The following ALK variants were observed in gnomAD, a reference collection of about 807,000 sequenced individuals.
ALK encodes ALK receptor tyrosine kinase, also known as ALK tyrosine kinase receptor.
A neutral mutation model predicts 163.1 loss-of-function variants in ALK; 74 were observed. The ratio of observed to expected loss-of-function variants is 0.45; its 90% CI spans 0.38 to 0.55. The LOEUF is 0.55. ALK is among the 20% of genes least tolerant of loss of function. The probability of loss-of-function intolerance (pLI) is 0.00; values close to 1 mark genes in which losing one functional copy is unlikely to be tolerated. For missense variants in ALK, 2,063 were observed against 2,105.3 expected (o/e 0.98, Z 0.39); for synonymous variants, 960 against 843.2 (o/e 1.14, Z -2.40).
chr2:29,200,144 C>G (rs2148145644), intron 26 of ALK, among the ~76,000 whole-genome samples: 1 of 152,260 alleles, frequency 6.6e-6, no homozygotes, highest in South Asian at 2.1e-4. Context: ...CTTGATTTTG[C>G]TACTTACAAA....
chr2:29,913,829 T>C (rs1262521736), intron 1 of ALK, among the ~76,000 whole-genome samples: 1 of 152,184 alleles, frequency 6.6e-6, no homozygotes, highest in East Asian at 1.9e-4. Flanking sequence ...GTTGGTAATT[T>C]ACATTTCTCT....
chr2:29,589,149 T>A (rs1477297704), intron 3 of ALK, among the ~76,000 whole-genome samples: 1 of 152,226 alleles, frequency 6.6e-6, no homozygotes, highest in Non-Finnish European at 1.5e-5. Flanking sequence ...AGTAATTTGC[T>A]ACTGATAATA....
At chr2:29,385,871 T>C (rs1211195419) in intron 4 of ALK, among the ~76,000 whole-genome samples, 1 of 152,254 alleles carries the variant, frequency 6.6e-6, no homozygotes, top group African/African-American at 2.4e-5. Context: ...ATCATGATTA[T>C]GCCAAAGCTA....
intron 3 of ALK, among the ~76,000 whole-genome samples, chr2:29,537,094 C>G (rs551133398): frequency 2.0e-4 from 30 of 152,270 alleles, no homozygotes; most frequent in African/African-American, 7.2e-4. Flanking sequence ...GCAGACTACT[C>G]AGGTAGTAGA....
chr2:29,259,192 C>T (rs531938593), intron 11 of ALK, among the ~76,000 whole-genome samples: 2 of 152,264 alleles, frequency 1.3e-5, no homozygotes, highest in Non-Finnish European at 2.9e-5. Context: ...TTTACCTCTC[C>T]TTACACACAG....
At chr2:29,562,602 A>G (rs1287274347) in intron 3 of ALK, among the ~76,000 whole-genome samples, 2 of 152,212 alleles carry the variant, frequency 1.3e-5, no homozygotes, top group Admixed American at 1.3e-4. Context: ...GCTCAATAGC[A>G]GAACAATTGG....
intron 4 of ALK, among the ~76,000 whole-genome samples, chr2:29,437,720 A>G (rs1032039588): frequency 1.3e-5 from 2 of 152,122 alleles, no homozygotes; most frequent in Non-Finnish European, 2.9e-5. Flanking sequence ...TTACCCAACA[A>G]AGCCCAAATT....
At chr2:29,888,421 G>A (rs1317490451) in intron 1 of ALK, among the ~76,000 whole-genome samples, 1 of 152,120 alleles carries the variant, frequency 6.6e-6, no homozygotes, top group African/African-American at 2.4e-5. Context: ...ATTATCAGCT[G>A]TTATAAATTA....
intron 1 of ALK, among the ~76,000 whole-genome samples, chr2:29,773,351 T>A (rs996166062): frequency 1.7e-4 from 26 of 152,158 alleles, no homozygotes; most frequent in African/African-American, 6.3e-4. Context: ...AAATCCTATG[T>A]AGAAACAGAG....
intron 6 of ALK, among the ~76,000 whole-genome samples, chr2:29,322,860 CAA>C (rs1235634957): frequency 6.6e-6 from 1 of 152,154 alleles, no homozygotes; most frequent in African/African-American, 2.4e-5. Context: ...AACAAACAAA[CAA>C]AACACCCCAG....
At chr2:29,629,862 G>A (rs954733467) in intron 3 of ALK, among the ~76,000 whole-genome samples, 1 of 152,070 alleles carries the variant, frequency 6.6e-6, no homozygotes, top group African/African-American at 2.4e-5. Context: ...AGGTTGGCCT[G>A]ACTTCACATT....
At chr2:29,557,684 A>C (rs562771600) in intron 3 of ALK, among the ~76,000 whole-genome samples, 1 of 152,332 alleles carries the variant, frequency 6.6e-6, no homozygotes, top group South Asian at 2.1e-4. Flanking sequence ...TGGGGGATGT[A>C]TAAAGTGGTA....
chr2:29,223,492 T>G lies in ALK; in HGVS notation c.3209A>C (p.Gln1070Pro). Residue 1070 changes from glutamine to proline, a missense_variant, in exon 20 of 29, where the codon CAG (glutamine) becomes CCG (proline). Physicochemically the swap from Gln to Pro is moderately conservative, Grantham distance 76. This residue lies in a region of ALK where 575 missense variants were observed against 626.6 expected (regional missense o/e 0.92). Coordinates refer to ENST00000389048, the MANE Select transcript of ALK (RefSeq NM_004304.5). ...RRKHQELQAM[Q>P]MELQSPEYKL... is the part of the protein sequence containing the mutation. Reference sequence around the variant, plus strand: ...GTACTCAGGGCTCTGCAGCTCCATCTGCATGGCTTGCAGCTCCTGGTGCTT... The same window carrying G: ...GTACTCAGGGCTCTGCAGCTCCATCGGCATGGCTTGCAGCTCCTGGTGCTT... The G allele has an allele frequency of 6.2e-7, 1 of 1,614,138 alleles. No homozygotes were observed. Among genetic ancestry groups the G allele is most frequent in the Non-Finnish European group, 8.5e-7 (1 of 1,180,034 alleles).
intron 4 of ALK, among the ~76,000 whole-genome samples, chr2:29,491,326 A>ACTCT (rs767222189): frequency 7.4e-4 from 113 of 152,318 alleles, no homozygotes; most frequent in Non-Finnish European, 1.3e-3. Context: ...AACAGGGCCG[A>ACTCT]GTTCATAATA....
intron 4 of ALK, among the ~76,000 whole-genome samples, chr2:29,426,132 A>G (rs565930213): frequency 6.6e-6 from 1 of 152,346 alleles, no homozygotes; most frequent in Admixed American, 6.5e-5. Flanking sequence ...CAGTTGGTTT[A>G]ACAGAGATCA....
intron 1 of ALK, among the ~76,000 whole-genome samples, chr2:29,757,521 C>A (rs902155960): frequency 6.6e-6 from 1 of 151,988 alleles, no homozygotes; most frequent in South Asian, 2.1e-4. Context: ...ATTTGAATTT[C>A]AGATAAAAAG....
intron 4 of ALK, among the ~76,000 whole-genome samples, chr2:29,404,421 T>C (rs186724841): frequency 6.3e-4 from 96 of 152,130 alleles, no homozygotes; most frequent in African/African-American, 2.3e-3. Context: ...AGAGTTGATA[T>C]ACAAGATGAC....
At chr2:29,198,279 A>G (rs1669073951) in intron 26 of ALK, among the ~76,000 whole-genome samples, 1 of 152,140 alleles carries the variant, frequency 6.6e-6, no homozygotes, top group Non-Finnish European at 1.5e-5. Context: ...TCACTGGCCT[A>G]TTTTAATAGG....
intron 8 of ALK, among the ~76,000 whole-genome samples, chr2:29,299,271 T>C (rs1255197510): frequency 2.0e-5 from 3 of 152,268 alleles, no homozygotes; most frequent in Non-Finnish European, 4.4e-5. Flanking sequence ...CTGTTGATCA[T>C]GCTCATCTGT....
Sources: gnomAD v4.1 joint callset for allele counts (sites outside exome capture counted in the v4.1 genomes callset) on GRCh38, gnomAD v4.1.1 for gene constraint, gnomAD v4.1.1 regional missense constraint, MANE v1.5 for transcripts, NCBI Gene and HGNC (gene_info 2026-07-23, HGNC 2026-07-21) for gene names.